MARCHF1: variants seen among roughly 807,000 people sequenced by gnomAD.
MARCHF1 encodes E3 ubiquitin-protein ligase MARCHF1.
Under a neutral mutation model 54.2 loss-of-function variants are expected in MARCHF1, and 40 were observed. That is an observed-to-expected ratio of 0.74 (90% CI 0.57 to 0.96). The LOEUF (loss-of-function observed/expected upper bound fraction) is 0.96. MARCHF1 is among the 40% of genes least tolerant of loss of function. The pLI is 0.00. For missense variants in MARCHF1, 586 were observed against 656.5 expected, an observed-to-expected ratio of 0.89 and a Z score of 1.17; for synonymous variants, 236 against 236.3, an observed-to-expected ratio of 1.00 and a Z score of 0.01.
At chr4:163,705,927 T>A (rs1744936700) in intron 4 of MARCHF1, among the ~76,000 whole-genome samples, 1 of 152,026 alleles carries the variant, frequency 6.6e-6, no homozygotes, top group Non-Finnish European at 1.5e-5. Flanking sequence ...GTGTCTCTGG[T>A]TAAGAAACAA....
At chr4:163,928,677 G>C (rs192389342) in intron 3 of MARCHF1, among the ~76,000 whole-genome samples, 3 of 151,904 alleles carry the variant, frequency 2.0e-5, no homozygotes, top group Admixed American at 2.0e-4. Context: ...TTAAAATTCT[G>C]ATTTAATTTA....
intron 4 of MARCHF1, among the ~76,000 whole-genome samples, chr4:163,724,483 C>T (rs1285057135): frequency 6.6e-6 from 1 of 152,210 alleles, no homozygotes; most frequent in Non-Finnish European, 1.5e-5. Context: ...GGCAGTCTGT[C>T]CGTTCTCAGA....
rs555188421 is a variant in MARCHF1, at chr4:163,741,416, C to G, written c.112-40553G>C. Among the ~76,000 whole-genome samples the G allele has an allele frequency of 2.0e-5, 3 of 151,978 alleles. No homozygotes were observed. The South Asian group carries it at 6.2e-4, about 32-fold the overall frequency. ...TCTGGCCAACATGATGAAACCCCAT[C>G]TCTACCAAAAATACAAATTAGCCGG... is the stretch of plus-strand genomic sequence containing the variant. On this transcript the variant is annotated intron_variant, in intron 4 of 9. Transcript: ENST00000514618.
chr4:163,913,823 A>C (rs1480523409), intron 3 of MARCHF1, among the ~76,000 whole-genome samples: 1 of 152,106 alleles, frequency 6.6e-6, no homozygotes, highest in Non-Finnish European at 1.5e-5. Context: ...GTCTGCACAC[A>C]CAAAGTTAGC....
chr4:163,948,755 T>C (rs1752071792), intron 3 of MARCHF1, among the ~76,000 whole-genome samples: 1 of 152,160 alleles, frequency 6.6e-6, no homozygotes, highest in African/African-American at 2.4e-5. Context: ...AAAATAAGAA[T>C]AAACAGGAAG....
Position 164,022,698 on chromosome 4 carries a change from T to C in MARCHF1, c.-247-33989A>G, listed in dbSNP as rs867466786. On this transcript the variant is annotated intron_variant, in intron 2 of 9. Transcript: ENST00000514618. ...GAGCAGCTGCGGCGGAGTGCGGCCA[T>C]AGCTTCCAATGCCCCAAGGTTCCCC... 5.5e-4 allele frequency among the ~76,000 whole-genome samples: 84 copies of C among 152,316 alleles called. 1 individual carries two copies. The highest frequency in any genetic ancestry group is 1.9e-3 in the African/African-American group (79 of 41,574).
chr4:163,975,184 T>TCACACACACA (rs1340438965), intron 3 of MARCHF1, among the ~76,000 whole-genome samples: 7 of 134,842 alleles, frequency 5.2e-5, no homozygotes, highest in African/African-American at 2.4e-4. Context: ...TCTCTCTCTC[T>TCACACACACA]CTCTCTCTCT....
chr4:163,758,469 G>C (rs1304237333), intron 4 of MARCHF1, among the ~76,000 whole-genome samples: 1 of 151,720 alleles, frequency 6.6e-6, no homozygotes, highest in African/African-American at 2.4e-5. Context: ...TAAAAAGGGG[G>C]CTAAGGTATT....
At chr4:163,740,881 T>C (rs141579282) in intron 4 of MARCHF1, among the ~76,000 whole-genome samples, 41 of 152,330 alleles carry the variant, frequency 2.7e-4, no homozygotes, top group Admixed American at 2.6e-3. Flanking sequence ...AAAGGACATT[T>C]TTATGTCATC....
intron 5 of MARCHF1, among the ~76,000 whole-genome samples, chr4:163,625,463 C>T (rs1270799707): frequency 6.6e-6 from 1 of 152,128 alleles, no homozygotes; most frequent in Non-Finnish European, 1.5e-5. Context: ...AAGAGTTGTG[C>T]GGTTGAATGG....
chr4:163,709,436 A>T (rs988723124), intron 4 of MARCHF1, among the ~76,000 whole-genome samples: 3 of 152,164 alleles, frequency 2.0e-5, no homozygotes, highest in Admixed American at 2.0e-4. Context: ...AAAGAAATTA[A>T]ATTTTAAAAG....
chr4:164,076,938 G>A (rs1028805318), intron 2 of MARCHF1, among the ~76,000 whole-genome samples: 2 of 152,156 alleles, frequency 1.3e-5, no homozygotes, highest in Non-Finnish European at 2.9e-5. Context: ...TCAGTATCGT[G>A]AAAATGGCCA....
At chr4:164,355,659 A>T (rs1730502414) in intron 1 of MARCHF1, among the ~76,000 whole-genome samples, 1 of 90,754 alleles carries the variant, frequency 1.1e-5, no homozygotes, top group Admixed American at 1.2e-4. Context: ...AACCATAAAA[A>T]CCCTAGAAGA....
intron 3 of MARCHF1, among the ~76,000 whole-genome samples, chr4:163,884,002 T>C (rs1750476714): frequency 6.6e-6 from 1 of 152,144 alleles, no homozygotes; most frequent in South Asian, 2.1e-4. Context: ...GATATTAAAA[T>C]AGTGGGATAA....
chr4:164,049,855 G>A (rs746821438), intron 2 of MARCHF1, among the ~76,000 whole-genome samples: 3 of 152,038 alleles, frequency 2.0e-5, no homozygotes, highest in Non-Finnish European at 4.4e-5. Flanking sequence ...TTTATAGTAT[G>A]ATAAAAACTC....
Position 163,829,836 on chromosome 4 carries a change from A to G in MARCHF1, c.111+24185T>C, listed in dbSNP as rs1389697. Among the ~76,000 whole-genome samples the G allele has an allele frequency of 5.2e-3, 788 of 152,336 alleles. 6 individuals carry two copies. The highest frequency in any genetic ancestry group is 0.018 in the African/African-American group (753 of 41,580). ...TTAATTAGGCAAACAATTGGACGGCAGGCCTCACTGTATACAGGAGATAAG... is the reference window on the plus strand; with the variant it reads ...TTAATTAGGCAAACAATTGGACGGCGGGCCTCACTGTATACAGGAGATAAG... On this transcript the variant is annotated intron_variant, in intron 4 of 9. Transcript: ENST00000514618.
chr4:163,835,430 AG>A (rs1371035524), intron 4 of MARCHF1, among the ~76,000 whole-genome samples: 2 of 152,220 alleles, frequency 1.3e-5, no homozygotes, highest in Non-Finnish European at 2.9e-5. Flanking sequence ...CGTGAACTAT[AG>A]CAAGTGGAGG....
intron 3 of MARCHF1, among the ~76,000 whole-genome samples, chr4:163,915,516 T>A (rs1402483807): frequency 1.3e-5 from 2 of 152,210 alleles, no homozygotes; most frequent in South Asian, 4.1e-4. Flanking sequence ...AAAATAACTT[T>A]AGGTAAAAAC....
In MARCHF1 at chr4:163,647,334, C is replaced by G. The variant is rs565912791; in HGVS notation, c.163-33941G>C. Among the ~76,000 whole-genome samples the G allele has an allele frequency of 4.6e-5, 7 of 152,132 alleles. No individual in the cohort carries two copies. The East Asian group carries it at 9.7e-4, about 21-fold the overall frequency. The stretch of plus-strand genomic sequence containing the variant: ...AATAGTAGGGGACTGTAATACGCCA[C>G]TTTCAACAATGGATAGATCATCCAG... On this transcript the variant is annotated intron_variant, in intron 5 of 9. Transcript: ENST00000514618.
Sources: gnomAD v4.1 joint callset for allele counts (sites outside exome capture counted in the v4.1 genomes callset) on GRCh38, gnomAD v4.1.1 for gene constraint, MANE v1.5 for transcripts, NCBI Gene and HGNC (gene_info 2026-07-23, HGNC 2026-07-21) for gene names.